The following CCSER1 variants were observed in gnomAD, a reference collection of about 807,000 sequenced individuals.
CCSER1 encodes serine-rich coiled-coil domain-containing protein 1.
A neutral mutation model predicts 82.0 loss-of-function variants in CCSER1; 41 were observed. That is an observed-to-expected ratio of 0.50 (90% CI 0.39 to 0.65). CCSER1 has a LOEUF of 0.65. CCSER1 is among the 30% of genes least tolerant of loss of function. The pLI is 0.00. For synonymous variants in CCSER1, 414 were observed against 383.9 expected, an observed-to-expected ratio of 1.08 and a Z score of -0.92; for missense variants, 1,119 against 1,064.2, an observed-to-expected ratio of 1.05 and a Z score of -0.72.
chr4:90,131,177 C>T (rs1249941057), intron 1 of CCSER1, among the ~76,000 whole-genome samples: 1 of 151,500 alleles, frequency 6.6e-6, no homozygotes, highest in Non-Finnish European at 1.5e-5. Flanking sequence ...TTTGTATTTA[C>T]TTTAGTAGAG....
rs994863259 is a variant in CCSER1, at chr4:90,235,532, C to G, written c.-41-72712C>G. Among the ~76,000 whole-genome samples the G allele has an allele frequency of 3.9e-5, 6 of 152,214 alleles. No individual in the cohort carries two copies. The South Asian group carries it at 6.2e-4, about 16-fold the overall frequency. On this transcript the variant is annotated intron_variant, in intron 1 of 10. Transcript: ENST00000509176. ...TAGAATGAACATAATTTAGTCTTAA[C>G]TACATTAGATATTTTAGTTTGAAAG...
chr4:91,518,854 A>G (rs958041343), intron 10 of CCSER1, among the ~76,000 whole-genome samples: 1 of 152,188 alleles, frequency 6.6e-6, no homozygotes, highest in Non-Finnish European at 1.5e-5. Context: ...TTGGGCAACT[A>G]TTCTGTGGTC....
chr4:90,191,888 G>C (rs1170178129), intron 1 of CCSER1, among the ~76,000 whole-genome samples: 1 of 152,028 alleles, frequency 6.6e-6, no homozygotes, highest in Non-Finnish European at 1.5e-5. Context: ...GAATGTGGAA[G>C]TTTTCTACTA....
intron 10 of CCSER1, among the ~76,000 whole-genome samples, chr4:91,153,626 C>T (rs1730487706): frequency 6.6e-6 from 1 of 151,816 alleles, no homozygotes; most frequent in Non-Finnish European, 1.5e-5. Flanking sequence ...CTGGTTTCTC[C>T]CCATCTTTGT....
At chr4:91,194,912 A>G (rs1474443811) in intron 10 of CCSER1, among the ~76,000 whole-genome samples, 4 of 152,218 alleles carry the variant, frequency 2.6e-5, no homozygotes, top group Non-Finnish European at 5.9e-5. Context: ...GCCTTAAAAA[A>G]TAGCTCACAT....
intron 5 of CCSER1, among the ~76,000 whole-genome samples, chr4:90,481,445 T>C (rs574353416): frequency 9.2e-5 from 14 of 152,350 alleles, no homozygotes; most frequent in Non-Finnish European, 1.8e-4. Context: ...CCTTGTCTTG[T>C]GCCAGTTTTC....
At chr4:90,647,433 C>A (rs546577061) in intron 6 of CCSER1, among the ~76,000 whole-genome samples, 6 of 152,220 alleles carry the variant, frequency 3.9e-5, no homozygotes, top group Admixed American at 3.9e-4. Flanking sequence ...GTCAATTTAG[C>A]AAATGTTAGT....
intron 9 of CCSER1, among the ~76,000 whole-genome samples, chr4:90,978,588 A>AGGC (rs1735819871): frequency 6.6e-6 from 1 of 150,856 alleles, no homozygotes; most frequent in African/African-American, 2.5e-5. Context: ...CTCAATATGA[A>AGGC]AATAATAAAT....
At chr4:90,375,668 A>T (rs1172469488) in intron 3 of CCSER1, among the ~76,000 whole-genome samples, 3 of 152,158 alleles carry the variant, frequency 2.0e-5, no homozygotes, top group African/African-American at 7.2e-5. Context: ...TTGTAGTGAG[A>T]AATCTGTTGG....
At chr4:90,183,524 G>A (rs1187828897) in intron 1 of CCSER1, among the ~76,000 whole-genome samples, 1 of 152,016 alleles carries the variant, frequency 6.6e-6, no homozygotes, top group Non-Finnish European at 1.5e-5. Flanking sequence ...TATCAGTGCT[G>A]CTCTCCCACA....
chr4:91,135,772 C>T (rs1728405594), intron 10 of CCSER1, among the ~76,000 whole-genome samples: 1 of 152,060 alleles, frequency 6.6e-6, no homozygotes, highest in African/African-American at 2.4e-5. Flanking sequence ...AAGATATTCA[C>T]AAGTAGGGAA....
At chr4:90,451,346 G>A (rs1247323502) in intron 4 of CCSER1, among the ~76,000 whole-genome samples, 1 of 152,144 alleles carries the variant, frequency 6.6e-6, no homozygotes, top group Non-Finnish European at 1.5e-5. Context: ...TTTGGCATAT[G>A]GGTGAAATCC....
At chr4:91,422,368 A>G (rs1026413225) in intron 10 of CCSER1, among the ~76,000 whole-genome samples, 3 of 152,126 alleles carry the variant, frequency 2.0e-5, no homozygotes, top group African/African-American at 7.2e-5. Flanking sequence ...ATCTTCTCTG[A>G]TGATTCCGGC....
intron 1 of CCSER1, among the ~76,000 whole-genome samples, chr4:90,276,626 G>A (rs1029365461): frequency 5.9e-5 from 9 of 152,020 alleles, no homozygotes; most frequent in Non-Finnish European, 1.0e-4. Flanking sequence ...GATTATAGGC[G>A]TGAGCCACTG....
At chr4:90,404,583 C>T (rs1013178560) in intron 4 of CCSER1, among the ~76,000 whole-genome samples, 1 of 152,160 alleles carries the variant, frequency 6.6e-6, no homozygotes, top group Non-Finnish European at 1.5e-5. Context: ...TAAACAAAAA[C>T]ACAACCAAGG....
chr4:91,594,764 ATAAT>A, intron 10 of CCSER1, among the ~76,000 whole-genome samples: 1 of 152,186 alleles, frequency 6.6e-6, no homozygotes, highest in Admixed American at 6.6e-5. Context: ...GAAGCCCAGA[ATAAT>A]TAATTTATTC....
In CCSER1 at chr4:91,014,274, C is replaced by T. The variant is rs987328462; in HGVS notation, c.2173-71676C>T. Among the ~76,000 whole-genome samples, 3 of 133,856 alleles carry T rather than the reference C, an allele frequency of 2.2e-5. 1 individual carries two copies. Among genetic ancestry groups the T allele is most frequent in the Non-Finnish European group, 5.2e-5 (3 of 57,628 alleles). The allele number at this position is 133,856 out of a possible 152,430, so 87.8% of individuals were successfully genotyped here. A position where few individuals can be genotyped will look rare whatever the true frequency, so the allele number is the denominator to read the frequency against. On this transcript the variant is annotated intron_variant, in intron 9 of 10. Coordinates refer to ENST00000509176, the MANE Select transcript of CCSER1 (RefSeq NM_001145065.2). Reference sequence around the variant, plus strand: ...CTTTTAAATGTAGATTAAAGCTTTCCAACATTGACATATGAAAATTAAAAA... The same window carrying T: ...CTTTTAAATGTAGATTAAAGCTTTCTAACATTGACATATGAAAATTAAAAA...
intron 1 of CCSER1, among the ~76,000 whole-genome samples, chr4:90,245,808 A>G (rs1043394282): frequency 5.9e-5 from 9 of 152,268 alleles, no homozygotes; most frequent in East Asian, 1.9e-4. Flanking sequence ...TTTTAGCTCA[A>G]AATGTTGGGC....
intron 1 of CCSER1, among the ~76,000 whole-genome samples, chr4:90,181,672 G>T (rs1733753267): frequency 6.6e-6 from 1 of 152,098 alleles, no homozygotes; most frequent in African/African-American, 2.4e-5. Context: ...AAACTTCAAA[G>T]AACAACTTTT....
Sources: allele counts gnomAD v4.1 joint callset (sites outside exome capture counted in the v4.1 genomes callset), GRCh38; gene constraint gnomAD v4.1.1; transcripts MANE v1.5; gene names NCBI Gene and HGNC (gene_info 2026-07-23, HGNC 2026-07-21).